PDE4B: variants seen among roughly 807,000 people sequenced by gnomAD.
The protein encoded by PDE4B is 3',5'-cyclic-AMP phosphodiesterase 4B.
PDE4B carries 20 observed loss-of-function variants against 82.2 expected under a neutral mutation model. The ratio of observed to expected loss-of-function variants is 0.24; its 90% confidence interval spans 0.17 to 0.35. The LOEUF is 0.35. Ranked by LOEUF, PDE4B falls within the 10% of genes least tolerant of loss-of-function variation. The probability of loss-of-function intolerance (pLI) is 1.00; values close to 1 mark genes in which losing one functional copy is unlikely to be tolerated. For synonymous variants in PDE4B, 320 were observed against 318.9 expected (o/e 1.00, Z -0.04); for missense variants, 655 against 907.2 (o/e 0.72, Z 3.57).
chr1:66,173,609 T>C (rs1223841845), intron 3 of PDE4B, among the ~76,000 whole-genome samples: 2 of 152,198 alleles, frequency 1.3e-5, no homozygotes, highest in East Asian at 3.8e-4. Context: ...TGTTGAATTG[T>C]TAAGTGGTAA....
chr1:66,090,621 A>ATGTGTGTGTGTGTGTGTGTGTGTGTG lies in PDE4B; in HGVS notation c.282-156820_282-156819insGTGTGTGTGTGTGTGTGTGTGTGTGT, dbSNP rs146947689. Among the ~76,000 whole-genome samples the ATGTGTGTGTGTGTGTGTGTGTGTGTG allele has an allele frequency of 2.7e-3, 336 of 122,644 alleles. 9 individuals are homozygous for ATGTGTGTGTGTGTGTGTGTGTGTGTG. Among genetic ancestry groups the ATGTGTGTGTGTGTGTGTGTGTGTGTG allele is most frequent in the African/African-American group, 0.013 (308 of 24,300 alleles). The allele number at this position is 122,644 out of a possible 152,430, so 80.5% of individuals were successfully genotyped here. A position where few individuals can be genotyped will look rare whatever the true frequency, so the allele number is the denominator to read the frequency against. On this transcript the variant is annotated intron_variant, in intron 3 of 16. Coordinates refer to ENST00000341517, the MANE Select transcript of PDE4B (RefSeq NM_002600.4). The stretch of plus-strand genomic sequence containing the variant: ...TTATATATATATATGTATATAATAT[A>ATGTGTGTGTGTGTGTGTGTGTGTGTG]TGTGTGTGTGTGTGTGTGTATGTAC...
At chr1:66,225,895 G>A (rs938988712) in intron 3 of PDE4B, among the ~76,000 whole-genome samples, 2 of 152,180 alleles carry the variant, frequency 1.3e-5, no homozygotes, top group Non-Finnish European at 2.9e-5. Flanking sequence ...TGTCATGTTT[G>A]TCTTAAAGAA....
chr1:66,273,212 C>G (rs1300711820), intron 7 of PDE4B, among the ~76,000 whole-genome samples: 3 of 152,214 alleles, frequency 2.0e-5, no homozygotes, highest in Non-Finnish European at 4.4e-5. Context: ...CGCTGCCACC[C>G]CCCTGCACAA....
chr1:65,865,700 G>A (rs1022916794), intron 1 of PDE4B, among the ~76,000 whole-genome samples: 1 of 152,078 alleles, frequency 6.6e-6, no homozygotes, highest in Non-Finnish European at 1.5e-5. Flanking sequence ...CTCTTCCTCC[G>A]TGGGCTGCAC....
At chr1:65,937,279 T>C (rs1489206098) in intron 3 of PDE4B, among the ~76,000 whole-genome samples, 1 of 152,150 alleles carries the variant, frequency 6.6e-6, no homozygotes, top group Non-Finnish European at 1.5e-5. Flanking sequence ...TGGTGGCGAT[T>C]TCCCTGCCTC....
At chr1:66,218,780 A>C (rs1321617715) in intron 3 of PDE4B, among the ~76,000 whole-genome samples, 2 of 152,070 alleles carry the variant, frequency 1.3e-5, no homozygotes, top group African/African-American at 4.8e-5. Flanking sequence ...TCATTTTAGC[A>C]CTCTTAACAC....
chr1:66,084,440 T>C (rs1335707949), intron 3 of PDE4B, among the ~76,000 whole-genome samples: 1 of 152,142 alleles, frequency 6.6e-6, no homozygotes, highest in Non-Finnish European at 1.5e-5. Context: ...TTGCAAACAT[T>C]ATTACAGTAT....
intron 1 of PDE4B, among the ~76,000 whole-genome samples, chr1:65,844,625 G>A (rs945886860): frequency 2.6e-5 from 4 of 152,118 alleles, no homozygotes; most frequent in Admixed American, 2.6e-4. Flanking sequence ...TTTTATTATA[G>A]GGAGTTTTGT....
chr1:66,118,120 T>TG lies in PDE4B; in HGVS notation c.282-129339dup, dbSNP rs1255838715. On this transcript the variant is annotated intron_variant, in intron 3 of 16. Coordinates refer to ENST00000341517, the MANE Select transcript of PDE4B (RefSeq NM_002600.4). ...TGCATAAATGTCTTATTTTGAGAAG[T>TG]GTCTGTTCATATCCTTCACCCACTT... Among the ~76,000 whole-genome samples the TG allele has an allele frequency of 1.5e-3, 224 of 152,322 alleles. 2 individuals are homozygous for TG. Among genetic ancestry groups the TG allele is most frequent in the Non-Finnish European group, 3.1e-4 (21 of 68,024 alleles).
rs1025392906 is a variant in PDE4B, at chr1:65,792,903, A to G, written c.-416A>G. ...AGGGGGTTTAAAGGGCCAGAGGACG[A>G]GAGAAGAGCTGAGGGGCGCGTCGCC... On this transcript the variant is annotated 5_prime_UTR_variant, in exon 1 of 17. Coordinates refer to ENST00000341517, the MANE Select transcript of PDE4B (RefSeq NM_002600.4). 6.6e-6 allele frequency among the ~76,000 whole-genome samples: 1 copy of G among 151,930 alleles called. No homozygotes were observed. The highest frequency in any genetic ancestry group is 2.4e-5 in the African/African-American group (1 of 41,384).
At chr1:65,850,894 C>A (rs150773694) in intron 1 of PDE4B, among the ~76,000 whole-genome samples, 2 of 152,058 alleles carry the variant, frequency 1.3e-5, no homozygotes, top group Non-Finnish European at 2.9e-5. Context: ...CAAATATTTT[C>A]TTTCATGTTT....
chr1:66,329,423 A>G (rs907927244), intron 7 of PDE4B, among the ~76,000 whole-genome samples: 6 of 152,186 alleles, frequency 3.9e-5, no homozygotes, highest in African/African-American at 1.4e-4. Flanking sequence ...AAAAAACTTT[A>G]TATTTTAGTA....
intron 1 of PDE4B, among the ~76,000 whole-genome samples, chr1:65,830,507 C>T (rs553514916): frequency 1.2e-4 from 18 of 152,260 alleles, no homozygotes; most frequent in Admixed American, 3.3e-4. Flanking sequence ...AGCAAGTAAC[C>T]TCTGATAAAA....
chr1:66,079,468 A>G (rs188862839), intron 3 of PDE4B, among the ~76,000 whole-genome samples: 11 of 152,230 alleles, frequency 7.2e-5, no homozygotes, highest in African/African-American at 2.6e-4. Context: ...TTAAGTTCCC[A>G]GCAGATATTC....
chr1:66,082,933 T>G (rs1390344769), intron 3 of PDE4B, among the ~76,000 whole-genome samples: 1 of 152,040 alleles, frequency 6.6e-6, no homozygotes, highest in Non-Finnish European at 1.5e-5. Context: ...GTAGGACAAT[T>G]ACTATGATTA....
intron 3 of PDE4B, among the ~76,000 whole-genome samples, chr1:66,245,489 G>A (rs1449128025): frequency 6.6e-6 from 1 of 152,126 alleles, no homozygotes; most frequent in Non-Finnish European, 1.5e-5. Flanking sequence ...ATCCACAGAG[G>A]GGCTTTTTAT....
At chr1:66,207,700 T>A (rs1649665404) in intron 3 of PDE4B, among the ~76,000 whole-genome samples, 2 of 152,106 alleles carry the variant, frequency 1.3e-5, no homozygotes. Flanking sequence ...TAATGGTGAG[T>A]CATTGGCTGC....
chr1:66,007,366 C>T (rs1652206110), intron 3 of PDE4B, among the ~76,000 whole-genome samples: 1 of 152,088 alleles, frequency 6.6e-6, no homozygotes, highest in Non-Finnish European at 1.5e-5. Flanking sequence ...ATTGCTTGAA[C>T]TCTGGAGGTG....
intron 3 of PDE4B, among the ~76,000 whole-genome samples, chr1:66,204,078 A>C (rs183032098): frequency 1.5e-3 from 232 of 152,320 alleles, no homozygotes; most frequent in African/African-American, 5.2e-3. Context: ...CAGGACCCTC[A>C]GCTGCAGGTC....
Sources: allele counts gnomAD v4.1 joint callset (sites outside exome capture counted in the v4.1 genomes callset), GRCh38; gene constraint gnomAD v4.1.1; transcripts MANE v1.5; gene names NCBI Gene and HGNC (gene_info 2026-07-23, HGNC 2026-07-21).